MARCHF1: variants seen among roughly 807,000 people sequenced by gnomAD.
MARCHF1 encodes the protein membrane associated ring-CH-type finger 1.
In MARCHF1, 40 loss-of-function variants were observed where a neutral mutation model predicts 54.2. That is an observed-to-expected ratio of 0.74 (90% confidence interval 0.57 to 0.96). The LOEUF is 0.96. Among genes scored for constraint, MARCHF1 ranks in the 40% least tolerant of loss-of-function variants. The pLI is 0.00. For synonymous variants in MARCHF1, 236 were observed against 236.3 expected (o/e 1.00, Z 0.01); for missense variants, 586 against 656.5 (o/e 0.89, Z 1.17).
chr4:164,114,229 T>G (rs967266423), intron 1 of MARCHF1, among the ~76,000 whole-genome samples: 1 of 152,030 alleles, frequency 6.6e-6, no homozygotes, highest in African/African-American at 2.4e-5. Flanking sequence ...TCTATTGTTA[T>G]ATGTATGTAT....
At chr4:164,256,474 A>T (rs1305353658) in intron 1 of MARCHF1, among the ~76,000 whole-genome samples, 1 of 151,060 alleles carries the variant, frequency 6.6e-6, no homozygotes, top group African/African-American at 2.4e-5. Context: ...AAAAAGAAAG[A>T]TTATAATGAA....
At chr4:163,552,768 T>C (rs1160196689) in intron 8 of MARCHF1, among the ~76,000 whole-genome samples, 1 of 152,010 alleles carries the variant, frequency 6.6e-6, no homozygotes, top group African/African-American at 2.4e-5. Flanking sequence ...GAGCGGTGGC[T>C]CAGGCCTGTA....
chr4:164,298,832 C>T (rs1048562033), intron 1 of MARCHF1, among the ~76,000 whole-genome samples: 1 of 151,942 alleles, frequency 6.6e-6, no homozygotes, highest in Non-Finnish European at 1.5e-5. Context: ...AAGGTTGATG[C>T]AAAGTGAGGT....
At position 163,895,972 on chromosome 4, in the gene MARCHF1, C is replaced by G. The variant is rs568868689; in HGVS notation, c.-38-41803G>C. 2.0e-5 allele frequency among the ~76,000 whole-genome samples: 3 copies of G among 152,212 alleles called. No homozygotes were observed. In the South Asian group the frequency reaches 6.2e-4, roughly 32 times the overall value. ...ATAAAATATCCTAGCAAAAGTAGTT[C>G]AATTACTTCATTGTGAGAAGCATTG... On this transcript the variant is annotated intron_variant, in intron 3 of 9. Transcript: ENST00000514618.
At chr4:163,811,099 C>T (rs906392956) in intron 4 of MARCHF1, among the ~76,000 whole-genome samples, 16 of 152,090 alleles carry the variant, frequency 1.1e-4, no homozygotes, top group African/African-American at 3.9e-4. Context: ...ACAGATAAGA[C>T]CTTGAGCTTT....
intron 3 of MARCHF1, among the ~76,000 whole-genome samples, chr4:163,972,256 G>A (rs1752560871): frequency 6.6e-6 from 1 of 152,076 alleles, no homozygotes; most frequent in Admixed American, 6.5e-5. Context: ...TAGATGACAG[G>A]TTGATGGGTG....
intron 1 of MARCHF1, among the ~76,000 whole-genome samples, chr4:164,250,154 C>T (rs1733081283): frequency 6.6e-6 from 1 of 152,008 alleles, no homozygotes; most frequent in African/African-American, 2.4e-5. Context: ...CTGATTGGAG[C>T]TCCATAAACA....
chr4:163,549,824 A>G (rs923165635), intron 8 of MARCHF1, among the ~76,000 whole-genome samples: 8 of 152,062 alleles, frequency 5.3e-5, no homozygotes, highest in African/African-American at 1.4e-4. Flanking sequence ...GAAATTGTCT[A>G]TTTGATGAAG....
intron 1 of MARCHF1, among the ~76,000 whole-genome samples, chr4:164,245,024 G>A (rs1732898175): frequency 6.6e-6 from 1 of 152,154 alleles, no homozygotes; most frequent in African/African-American, 2.4e-5. Context: ...AATTCTACCA[G>A]AGGTACAAGG....
intron 5 of MARCHF1, among the ~76,000 whole-genome samples, chr4:163,677,152 T>C (rs1213555499): frequency 2.0e-5 from 3 of 152,212 alleles, no homozygotes; most frequent in Admixed American, 6.5e-5. Context: ...TATACACTCC[T>C]GTCAGAAACT....
intron 5 of MARCHF1, among the ~76,000 whole-genome samples, chr4:163,648,613 A>T (rs1401955353): frequency 4.0e-5 from 1 of 24,710 alleles, no homozygotes; most frequent in Non-Finnish European, 6.4e-5. Context: ...CCCATGAGCT[A>T]AAAAAAAAAA....
intron 2 of MARCHF1, among the ~76,000 whole-genome samples, chr4:164,050,790 G>C (rs946354746): frequency 6.6e-6 from 1 of 152,070 alleles, no homozygotes; most frequent in Admixed American, 6.5e-5. Flanking sequence ...AAAATTAGAC[G>C]GGCGTGGTGG....
chr4:164,079,373 A>C (rs1159823911), intron 2 of MARCHF1, among the ~76,000 whole-genome samples: 7 of 152,212 alleles, frequency 4.6e-5, no homozygotes, highest in Admixed American at 1.3e-4. Flanking sequence ...TCAGATGGTC[A>C]CAATAAGTAA....
At chr4:163,547,516 C>T (rs1264569660) in intron 8 of MARCHF1, among the ~76,000 whole-genome samples, 1 of 152,194 alleles carries the variant, frequency 6.6e-6, no homozygotes, top group Non-Finnish European at 1.5e-5. Flanking sequence ...GAGTGTTCAT[C>T]TTGCAATCTT....
intron 9 of MARCHF1, among the ~76,000 whole-genome samples, chr4:163,532,604 C>G (rs1044329377): frequency 6.6e-6 from 1 of 151,636 alleles, no homozygotes; most frequent in African/African-American, 2.4e-5. Flanking sequence ...AATGAAAAGC[C>G]ACAGGAAAAA....
chr4:164,133,131 C>A (rs1756335468), intron 1 of MARCHF1, among the ~76,000 whole-genome samples: 2 of 152,096 alleles, frequency 1.3e-5, no homozygotes, highest in African/African-American at 4.8e-5. Flanking sequence ...GGAGAAAGAA[C>A]AGACAAAATG....
chr4:164,211,278 G>GTA (rs10548085), intron 1 of MARCHF1, among the ~76,000 whole-genome samples: 1,975 of 145,886 alleles, frequency 0.014, 26 homozygotes, highest in African/African-American at 0.033. Context: ...TAATCTTTAT[G>GTA]TATATATATA....
intron 2 of MARCHF1, among the ~76,000 whole-genome samples, chr4:164,051,214 A>G (rs967756805): frequency 2.6e-5 from 4 of 152,194 alleles, no homozygotes; most frequent in African/African-American, 4.8e-5. Flanking sequence ...TACAGAAAAT[A>G]TATGCAAATT....
At chr4:163,554,937 C>T (rs1378081950) in intron 8 of MARCHF1, among the ~76,000 whole-genome samples, 1 of 152,042 alleles carries the variant, frequency 6.6e-6, no homozygotes, top group East Asian at 1.9e-4. Flanking sequence ...TCTTATAAAC[C>T]TTGTCTTGAT....
Sources: gnomAD v4.1 joint callset for allele counts (sites outside exome capture counted in the v4.1 genomes callset) on GRCh38, gnomAD v4.1.1 for gene constraint, MANE v1.5 for transcripts, NCBI Gene and HGNC (gene_info 2026-07-23, HGNC 2026-07-21) for gene names.